Variants in EPHA6 observed in about 807,000 individuals in gnomAD.
EPHA6 encodes the protein EPH receptor A6.
A neutral mutation model predicts 112.0 loss-of-function variants in EPHA6; 50 were observed. That is an observed-to-expected ratio of 0.45 (90% CI 0.36 to 0.56). The LOEUF is 0.56. EPHA6 is among the 20% of genes least tolerant of loss of function. The probability of loss-of-function intolerance (pLI) is 0.00; values close to 1 mark genes in which losing one functional copy is unlikely to be tolerated. For synonymous variants in EPHA6, 529 were observed against 490.7 expected (o/e 1.08, Z -1.03); for missense variants, 1,280 against 1,417.4 (o/e 0.90, Z 1.56).
chr3:97,576,730 C>T (rs1432104659), intron 11 of EPHA6, among the ~76,000 whole-genome samples: 1 of 151,804 alleles, frequency 6.6e-6, no homozygotes. Context: ...TAGAGATGAC[C>T]CGTGGAATGT....
At chr3:97,315,384 A>G (rs548526316) in intron 5 of EPHA6, among the ~76,000 whole-genome samples, 1 of 151,852 alleles carries the variant, frequency 6.6e-6, no homozygotes, top group East Asian at 1.9e-4. Flanking sequence ...AACATAAAAT[A>G]CAATTATACA....
At chr3:96,984,005 TC>T (rs1217004791) in intron 2 of EPHA6, among the ~76,000 whole-genome samples, 1 of 152,152 alleles carries the variant, frequency 6.6e-6, no homozygotes, top group Non-Finnish European at 1.5e-5. Context: ...CTAACTTCCT[TC>T]TTTAGCTCGG....
chr3:96,871,358 ATGTC>A (rs2107472762), intron 2 of EPHA6, among the ~76,000 whole-genome samples: 1 of 152,140 alleles, frequency 6.6e-6, no homozygotes, highest in African/African-American at 2.4e-5. Flanking sequence ...AGTTAAAACA[ATGTC>A]TGGTTCATAA....
intron 3 of EPHA6, among the ~76,000 whole-genome samples, chr3:97,082,239 A>C (rs2046744141): frequency 6.6e-6 from 1 of 151,908 alleles, no homozygotes; most frequent in Admixed American, 6.6e-5. Context: ...GCAATTTTCA[A>C]AAATGAGCGT....
At chr3:97,673,271 A>G (rs1042590671) in intron 14 of EPHA6, among the ~76,000 whole-genome samples, 1 of 152,212 alleles carries the variant, frequency 6.6e-6, no homozygotes, top group Non-Finnish European at 1.5e-5. Context: ...GAAGGAAGGC[A>G]TAGAGATGGG....
chr3:97,580,057 T>A (rs79760235), intron 11 of EPHA6, among the ~76,000 whole-genome samples: 1 of 152,236 alleles, frequency 6.6e-6, no homozygotes, highest in Admixed American at 6.5e-5. Flanking sequence ...ACTTTAGACA[T>A]TTATTGGATC....
chr3:97,465,415 C>T (rs887782670), intron 7 of EPHA6, among the ~76,000 whole-genome samples: 1 of 152,014 alleles, frequency 6.6e-6, no homozygotes, highest in Non-Finnish European at 1.5e-5. Flanking sequence ...TAAGGAGAAG[C>T]AGGGTGTAAA....
At chr3:96,891,594 A>G (rs2037967133) in intron 2 of EPHA6, among the ~76,000 whole-genome samples, 1 of 152,142 alleles carries the variant, frequency 6.6e-6, no homozygotes, top group African/African-American at 2.4e-5. Context: ...CTGTAATCCC[A>G]GCTACTTGGG....
At chr3:96,862,555 G>T (rs982095642) in intron 1 of EPHA6, among the ~76,000 whole-genome samples, 2 of 151,750 alleles carry the variant, frequency 1.3e-5, no homozygotes, top group African/African-American at 4.8e-5. Flanking sequence ...TAAAAGAATA[G>T]CTACTTTCTT....
intron 10 of EPHA6, among the ~76,000 whole-genome samples, chr3:97,505,869 A>G (rs914486626): frequency 6.6e-6 from 1 of 152,120 alleles, no homozygotes; most frequent in Non-Finnish European, 1.5e-5. Flanking sequence ...CTTTTTAATG[A>G]TCGCCATTCT....
intron 3 of EPHA6, among the ~76,000 whole-genome samples, chr3:97,072,875 T>C (rs577184893): frequency 2.0e-5 from 3 of 152,228 alleles, no homozygotes; most frequent in Admixed American, 6.6e-5. Context: ...GATTTTCCCA[T>C]TGGGATAGTA....
At chr3:96,949,969 T>C (rs7642678) in intron 2 of EPHA6, among the ~76,000 whole-genome samples, 2,020 of 152,290 alleles carry the variant, frequency 0.013, 48 homozygotes, top group African/African-American at 0.045. Flanking sequence ...TTCATAGCTT[T>C]GAAGTCTTTG....
chr3:97,509,022 T>TTTTTTTTTTTTTTTTTTTTTTG (rs2092314082), intron 10 of EPHA6, among the ~76,000 whole-genome samples: 1 of 127,392 alleles, frequency 7.8e-6, no homozygotes, highest in African/African-American at 3.2e-5. Context: ...TTTTTTTTTT[T>TTTTTTTTTTTTTTTTTTTTTTG]GCTTTCCATT....
chr3:96,851,117 G>T (rs1021287442), intron 1 of EPHA6, among the ~76,000 whole-genome samples: 3 of 152,104 alleles, frequency 2.0e-5, no homozygotes, highest in African/African-American at 7.2e-5. Context: ...AAGGCAGTGT[G>T]TCTGGGGACA....
intron 2 of EPHA6, among the ~76,000 whole-genome samples, chr3:96,967,181 T>TAC (rs144463079): frequency 0.058 from 8,524 of 146,094 alleles, 635 homozygotes; most frequent in African/African-American, 0.17. Flanking sequence ...ATGCTATGAA[T>TAC]ACACACACAC....
intron 15 of EPHA6, 21 bp from the exon 16 acceptor site, chr3:97,735,904 T>C: frequency 4.0e-6 from 6 of 1,517,728 alleles, no homozygotes; most frequent in Non-Finnish European, 5.3e-6. Context: ...AAGAGAGTAA[T>C]CTGTATATGT....
At chr3:97,146,494 C>T (rs567129495) in intron 3 of EPHA6, among the ~76,000 whole-genome samples, 1 of 151,866 alleles carries the variant, frequency 6.6e-6, no homozygotes, top group East Asian at 1.9e-4. Context: ...TACATTATTT[C>T]CTCAGACTCA....
intron 3 of EPHA6, among the ~76,000 whole-genome samples, chr3:97,149,919 ACT>A (rs2076133086): frequency 6.6e-6 from 1 of 150,906 alleles, no homozygotes; most frequent in Admixed American, 6.6e-5. Context: ...GATACTAGAA[ACT>A]CTCTCTAGAA....
chr3:97,422,263 A>C (rs895213434), intron 6 of EPHA6, among the ~76,000 whole-genome samples: 2 of 152,142 alleles, frequency 1.3e-5, no homozygotes, highest in African/African-American at 4.8e-5. Flanking sequence ...TCCAAAATAC[A>C]TAAAGAAATC....
Sources: gnomAD v4.1 joint callset for allele counts (sites outside exome capture counted in the v4.1 genomes callset) on GRCh38, gnomAD v4.1.1 for gene constraint, MANE v1.5 for transcripts, NCBI Gene and HGNC (gene_info 2026-07-23, HGNC 2026-07-21) for gene names.